KCNJ15: variants seen among roughly 807,000 people sequenced by gnomAD.
KCNJ15 encodes potassium inwardly rectifying channel subfamily J member 15.
KCNJ15 carries 14 observed loss-of-function variants against 23.0 expected under a neutral mutation model. The observed-to-expected ratio is 0.61, with a 90% CI of 0.40 to 0.95. KCNJ15 has a LOEUF of 0.95. Among genes scored for constraint, KCNJ15 ranks in the 40% least tolerant of loss-of-function variants. The pLI is 0.00. For missense variants in KCNJ15, 388 were observed against 461.8 expected (o/e 0.84, Z 1.46); for synonymous variants, 185 against 183.2 (o/e 1.01, Z -0.08).
At chr21:38,235,818 C>T (rs897755672) in intron 1 of KCNJ15, among the ~76,000 whole-genome samples, 9 of 152,196 alleles carry the variant, frequency 5.9e-5, no homozygotes, top group African/African-American at 2.2e-4. Flanking sequence ...TATAAAATAC[C>T]GCTTAAAGAT....
chr21:38,277,619 C>T (rs1982859818), intron 1 of KCNJ15, among the ~76,000 whole-genome samples: 1 of 152,128 alleles, frequency 6.6e-6, no homozygotes, highest in South Asian at 2.1e-4. Flanking sequence ...AAGTCATCTG[C>T]AAGAGCGAGT....
chr21:38,267,600 C>T (rs1046199284), intron 1 of KCNJ15, among the ~76,000 whole-genome samples: 3 of 151,986 alleles, frequency 2.0e-5, no homozygotes, highest in Non-Finnish European at 2.9e-5. Flanking sequence ...CAGTTAATGG[C>T]GCCACCCTTG....
At chr21:38,243,584 G>A (rs1296089368) in intron 1 of KCNJ15, among the ~76,000 whole-genome samples, 2 of 152,150 alleles carry the variant, frequency 1.3e-5, no homozygotes, top group Non-Finnish European at 2.9e-5. Flanking sequence ...ACCATGCCCT[G>A]CTAATTTTTG....
intron 1 of KCNJ15, among the ~76,000 whole-genome samples, chr21:38,281,835 G>T (rs1983378750): frequency 6.6e-6 from 1 of 152,136 alleles, no homozygotes; most frequent in South Asian, 2.1e-4. Context: ...AGTTCTTTTA[G>T]AAATCTCCAG....
chr21:38,294,642 A>G (rs1430756701), intron 1 of KCNJ15, among the ~76,000 whole-genome samples: 3 of 151,172 alleles, frequency 2.0e-5, no homozygotes, highest in African/African-American at 7.3e-5. Context: ...GCCATCATCA[A>G]CATGGCAATG....
chr21:38,254,000 C>T (rs1980019763), upstream of KCNJ15, among the ~76,000 whole-genome samples: 1 of 152,174 alleles, frequency 6.6e-6, no homozygotes, highest in Admixed American at 6.5e-5. Context: ...TATGTTATTT[C>T]ATGTAATCTT....
At position 38,303,915 on chromosome 21, in the gene KCNJ15, T is replaced by G. The variant is rs1262260496; in HGVS notation, c.*3526T>G. 6.6e-6 allele frequency: 1 copy of G among 152,132 alleles called. No homozygotes were observed. Among genetic ancestry groups the G allele is most frequent in the Non-Finnish European group, 1.5e-5 (1 of 68,014 alleles). The allele number at this position is 152,132 out of a possible 1,614,324, so 9.4% of individuals were successfully genotyped here. On this transcript the variant is annotated 3_prime_UTR_variant, in exon 3 of 3. Coordinates refer to ENST00000398938, the MANE Select transcript of KCNJ15 (RefSeq NM_170736.3). ...AGAGAAAAATGAAAGCACTAGGCCTTTGACTAGGTTTGGTTCTATATGCTG... is the reference window on the plus strand; with the variant it reads ...AGAGAAAAATGAAAGCACTAGGCCTGTGACTAGGTTTGGTTCTATATGCTG...
chr21:38,274,973 C>A lies in KCNJ15; in HGVS notation c.-117+17788C>A, dbSNP rs146823142. On this transcript the variant is annotated intron_variant, in intron 1 of 2. Transcript: ENST00000398938. ...TGATTCTTCAATTTCCACCTCCAGC[C>A]CCAAATTTAATTCCTAGATATGGAC... Among the ~76,000 whole-genome samples the A allele has an allele frequency of 2.8e-3, 432 of 152,230 alleles. 5 individuals carry two copies. The highest frequency in any genetic ancestry group is 9.9e-3 in the African/African-American group (409 of 41,516).
upstream of KCNJ15, among the ~76,000 whole-genome samples, chr21:38,256,360 T>TATATATATATATATATATATATATA (rs1384891155): frequency 9.4e-6 from 1 of 106,236 alleles, no homozygotes; most frequent in African/African-American, 4.8e-5. Flanking sequence ...TCTATTCAGC[T>TATATATATATATATATATATATATA]TATATATATA....
chr21:38,301,214 C>T lies in KCNJ15; in HGVS notation c.*825C>T, dbSNP rs919305282. Reference sequence around the variant, plus strand: ...TACAGAATTGGGGTCTGTATCTTAACAAGAACCCCAGATGATTTGTGTACA... The same window carrying T: ...TACAGAATTGGGGTCTGTATCTTAATAAGAACCCCAGATGATTTGTGTACA... On this transcript the variant is annotated 3_prime_UTR_variant, in exon 3 of 3. Coordinates refer to ENST00000398938, the MANE Select transcript of KCNJ15 (RefSeq NM_170736.3). The T allele has an allele frequency of 6.0e-6, 1 of 167,038 alleles. No homozygotes were observed. Among genetic ancestry groups the T allele is most frequent in the South Asian group, 2.1e-4 (1 of 4,824 alleles). The allele number at this position is 167,038 out of a possible 1,614,324, so 10.3% of individuals were successfully genotyped here. A position where few individuals can be genotyped will look rare whatever the true frequency, so the allele number is the denominator to read the frequency against.
chr21:38,284,892 T>C (rs983236532), intron 1 of KCNJ15, among the ~76,000 whole-genome samples: 1 of 152,238 alleles, frequency 6.6e-6, no homozygotes, highest in Non-Finnish European at 1.5e-5. Context: ...TTCTCCCCAG[T>C]TCTTCCCACA....
chr21:38,280,021 A>C (rs930766281), intron 1 of KCNJ15, among the ~76,000 whole-genome samples: 1 of 151,924 alleles, frequency 6.6e-6, no homozygotes, highest in Non-Finnish European at 1.5e-5. Flanking sequence ...CTGGGGAACA[A>C]CTCCCCTCAA....
At chr21:38,247,071 T>A (rs1979431183) in intron 1 of KCNJ15, among the ~76,000 whole-genome samples, 1 of 103,568 alleles carries the variant, frequency 9.7e-6, no homozygotes. Flanking sequence ...GATGGATGGA[T>A]GGATGGATGG....
At chr21:38,231,734 T>G (rs75982844) in intron 1 of KCNJ15, among the ~76,000 whole-genome samples, 14,233 of 151,966 alleles carry the variant, frequency 0.094, 933 homozygotes, top group East Asian at 0.29. Context: ...TGTTTTTTTG[T>G]TCTTCTTTCT....
chr21:38,293,486 G>T (rs914072917), intron 1 of KCNJ15, among the ~76,000 whole-genome samples: 3 of 152,152 alleles, frequency 2.0e-5, no homozygotes, highest in Non-Finnish European at 2.9e-5. Context: ...GCAAATAGTT[G>T]GGAGCAACAT....
chr21:38,242,082 T>C (rs1221346883), intron 1 of KCNJ15, among the ~76,000 whole-genome samples: 2 of 152,078 alleles, frequency 1.3e-5, no homozygotes, highest in Non-Finnish European at 2.9e-5. Context: ...GAGAGGATTA[T>C]TCTTAACAGG....
chr21:38,268,355 G>C (rs915624714), intron 1 of KCNJ15, among the ~76,000 whole-genome samples: 3 of 151,980 alleles, frequency 2.0e-5, no homozygotes, highest in Admixed American at 1.3e-4. Context: ...TTTCAGTGCT[G>C]TACTGTGATT....
intron 1 of KCNJ15, among the ~76,000 whole-genome samples, chr21:38,233,881 T>A (rs903209086): frequency 6.6e-6 from 1 of 152,132 alleles, no homozygotes; most frequent in African/African-American, 2.4e-5. Context: ...GTAACGAACC[T>A]AAAAATATAT....
rs1162078500 is a variant in KCNJ15, at chr21:38,300,517, ATC to A, written c.*129_*130del. On this transcript the variant is annotated 3_prime_UTR_variant, in exon 3 of 3. Coordinates refer to ENST00000398938, the MANE Select transcript of KCNJ15 (RefSeq NM_170736.3). ...CTCAAAAACTGCACGGACATACAAA[ATC>A]AATCTTTTCCTTTGATCTTGTGGCT... 5.4e-6 allele frequency: 4 copies of A among 734,924 alleles called. No homozygotes were observed. In the East Asian group the frequency reaches 1.1e-4, roughly 20 times the overall value. The allele number at this position is 734,924 out of a possible 1,614,324, so 45.5% of individuals were successfully genotyped here. A position where few individuals can be genotyped will look rare whatever the true frequency, so the allele number is the denominator to read the frequency against.
Sources: allele counts gnomAD v4.1 joint callset (sites outside exome capture counted in the v4.1 genomes callset), GRCh38; gene constraint gnomAD v4.1.1; transcripts MANE v1.5; gene names NCBI Gene and HGNC (gene_info 2026-07-23, HGNC 2026-07-21).